DCLK2: variants seen among roughly 807,000 people sequenced by gnomAD.
DCLK2 encodes serine/threonine-protein kinase DCLK2.
A neutral mutation model predicts 78.4 loss-of-function variants in DCLK2; 31 were observed. The ratio of observed to expected loss-of-function variants is 0.40; its 90% CI spans 0.30 to 0.53. The LOEUF is 0.53. DCLK2 is among the 20% of genes least tolerant of loss of function. The probability of loss-of-function intolerance (pLI) is 0.61; values close to 1 mark genes in which losing one functional copy is unlikely to be tolerated. For missense variants in DCLK2, 872 were observed against 973.7 expected, an observed-to-expected ratio of 0.90 and a Z score of 1.39; for synonymous variants, 407 against 374.9, an observed-to-expected ratio of 1.09 and a Z score of -0.99.
At chr4:150,210,316 G>A (rs1006133361) in intron 5 of DCLK2, among the ~76,000 whole-genome samples, 2 of 152,144 alleles carry the variant, frequency 1.3e-5, no homozygotes, top group African/African-American at 4.8e-5. Context: ...TCACGTGAAG[G>A]CAGTTTTACT....
intron 2 of DCLK2, among the ~76,000 whole-genome samples, chr4:150,171,691 G>C (rs893803116): frequency 6.6e-6 from 1 of 152,208 alleles, no homozygotes; most frequent in Non-Finnish European, 1.5e-5. Flanking sequence ...TGAGGACTTA[G>C]GTTGAGGGTA....
At chr4:150,217,443 T>C (rs1740805780) in intron 5 of DCLK2, among the ~76,000 whole-genome samples, 1 of 152,196 alleles carries the variant, frequency 6.6e-6, no homozygotes, top group Non-Finnish European at 1.5e-5. Context: ...GCTGAGCGAT[T>C]CAAACACAAG....
chr4:150,232,241 G>A (rs567041775), intron 8 of DCLK2, 96 bp from the exon 9 acceptor site: 6 of 1,465,648 alleles, frequency 4.1e-6, no homozygotes, highest in Non-Finnish European at 5.6e-6. Context: ...TTTGGCATCA[G>A]ATCCACAGGC....
chr4:150,148,534 G>A (rs1734643367), intron 2 of DCLK2, among the ~76,000 whole-genome samples: 1 of 152,136 alleles, frequency 6.6e-6, no homozygotes, highest in African/African-American at 2.4e-5. Context: ...TGAGTAGCTA[G>A]GAGTACAGAT....
chr4:150,152,379 T>G (rs780217854), intron 2 of DCLK2, among the ~76,000 whole-genome samples: 1 of 152,220 alleles, frequency 6.6e-6, no homozygotes, highest in Non-Finnish European at 1.5e-5. Context: ...CCTCCCCGGT[T>G]CAAGAGATTT....
chr4:150,168,656 T>TC (rs1736282462), intron 2 of DCLK2, among the ~76,000 whole-genome samples: 1 of 152,198 alleles, frequency 6.6e-6, no homozygotes, highest in Non-Finnish European at 1.5e-5. Context: ...GGTCTGTACT[T>TC]CTGAATGTGT....
intron 12 of DCLK2, among the ~76,000 whole-genome samples, chr4:150,247,197 A>AGT (rs1203999215): frequency 1.3e-5 from 2 of 151,560 alleles, no homozygotes; most frequent in Non-Finnish European, 1.5e-5. Context: ...TATTTTCTTG[A>AGT]GTGTGTGTGT....
At chr4:150,156,741 TTTTATTTA>T (rs150434713) in intron 2 of DCLK2, among the ~76,000 whole-genome samples, 33,435 of 139,242 alleles carry the variant, frequency 0.24, 4,622 homozygotes, top group Non-Finnish European at 0.32. Context: ...GGAGTAACTA[TTTTATTTA>T]TTTATTTATT....
rs62338240 is a variant in DCLK2, at chr4:150,197,663, G to A, written c.860-339G>A. On this transcript the variant is annotated intron_variant, in intron 3 of 15. Transcript: ENST00000296550. ...CCAGCTACTTGGGAGGCTGAGGCAA[G>A]AGAATCGCTTGAACCCAGGAGGCGG... Among the ~76,000 whole-genome samples, 1,125 of 152,238 alleles carry A rather than the reference G, an allele frequency of 7.4e-3. 7 individuals are homozygous for A. The highest frequency in any genetic ancestry group is 0.013 in the Non-Finnish European group (866 of 68,030).
chr4:150,145,878 A>G (rs758925366), intron 2 of DCLK2, among the ~76,000 whole-genome samples: 2 of 152,208 alleles, frequency 1.3e-5, no homozygotes, highest in Non-Finnish European at 2.9e-5. Context: ...AAAAATGTAG[A>G]GTATCAAAGC....
chr4:150,110,852 A>G (rs1479511423), intron 2 of DCLK2, among the ~76,000 whole-genome samples: 1 of 152,180 alleles, frequency 6.6e-6, no homozygotes, highest in African/African-American at 2.4e-5. Context: ...TCCATGGTGT[A>G]TATATACCAC....
chr4:150,244,806 C>T (rs1743183854), intron 12 of DCLK2, among the ~76,000 whole-genome samples: 1 of 152,236 alleles, frequency 6.6e-6, no homozygotes, highest in South Asian at 2.1e-4. Context: ...GTCCCATTCT[C>T]ATTGCTGAGA....
intron 2 of DCLK2, among the ~76,000 whole-genome samples, chr4:150,113,375 G>T (rs1246088488): frequency 6.6e-6 from 1 of 152,050 alleles, no homozygotes; most frequent in African/African-American, 2.4e-5. Context: ...TCTGGCCCTA[G>T]GTTTTTTTGT....
In DCLK2 at chr4:150,080,769, G is replaced by A. The variant is rs1437969175; in HGVS notation, c.421+1321G>A. 2.0e-5 allele frequency among the ~76,000 whole-genome samples: 3 copies of A among 152,168 alleles called. No individual in the cohort carries two copies. In the East Asian group the frequency reaches 5.8e-4, roughly 29 times the overall value. ...GGAGCCACATGGAGGAAAACTAAAGGTCGTTGAGTTTGTCTATTTAGTCAG... is the reference window on the plus strand; with the variant it reads ...GGAGCCACATGGAGGAAAACTAAAGATCGTTGAGTTTGTCTATTTAGTCAG... On this transcript the variant is annotated intron_variant, in intron 1 of 15. Coordinates refer to ENST00000296550, the MANE Select transcript of DCLK2 (RefSeq NM_001040260.4).
intron 15 of DCLK2, among the ~76,000 whole-genome samples, chr4:150,250,730 G>C (rs540362374): frequency 8.8e-4 from 133 of 151,728 alleles, no homozygotes; most frequent in African/African-American, 3.1e-3. Flanking sequence ...GGTCCTCCTT[G>C]TTTCCTACCC....
At chr4:150,134,848 T>G (rs940825554) in intron 2 of DCLK2, among the ~76,000 whole-genome samples, 1 of 152,168 alleles carries the variant, frequency 6.6e-6, no homozygotes, top group Non-Finnish European at 1.5e-5. Context: ...TTGTTTGTTT[T>G]TTTGAGACTG....
chr4:150,110,400 A>G (rs569346214), intron 2 of DCLK2, among the ~76,000 whole-genome samples: 15 of 152,206 alleles, frequency 9.9e-5, no homozygotes, highest in Middle Eastern at 3.2e-3. Flanking sequence ...GTAGAGTAAT[A>G]GCTAACAGCT....
rs77363036 is a variant in DCLK2, at chr4:150,124,111, C to T, written c.756+21299C>T. ...AAGACAAACTTTCATGAATATTCTC[C>T]CTGTGTATTTTTAGGACATTTAATT... On this transcript the variant is annotated intron_variant, in intron 2 of 15. Transcript: ENST00000296550. 3.3e-5 allele frequency among the ~76,000 whole-genome samples: 5 copies of T among 151,828 alleles called. No individual in the cohort carries two copies. The East Asian group carries it at 9.7e-4, about 29-fold the overall frequency.
At chr4:150,154,180 C>G (rs1735094765) in intron 2 of DCLK2, among the ~76,000 whole-genome samples, 1 of 152,160 alleles carries the variant, frequency 6.6e-6, no homozygotes, top group Non-Finnish European at 1.5e-5. Flanking sequence ...TTCATAAGGG[C>G]TCCTCATCCT....
Sources: allele counts gnomAD v4.1 joint callset (sites outside exome capture counted in the v4.1 genomes callset), GRCh38; gene constraint gnomAD v4.1.1; transcripts MANE v1.5; gene names NCBI Gene and HGNC (gene_info 2026-07-23, HGNC 2026-07-21).